NALCN: variants seen among roughly 807,000 people sequenced by gnomAD.
NALCN encodes the protein sodium leak channel, non-selective, also known as sodium leak channel NALCN.
A neutral mutation model predicts 225.3 loss-of-function variants in NALCN; 111 were observed. That is an observed-to-expected ratio of 0.49 (90% CI 0.42 to 0.58). The LOEUF (loss-of-function observed/expected upper bound fraction) is 0.58. NALCN is among the 20% of genes least tolerant of loss of function. The probability of loss-of-function intolerance (pLI) is 0.00; values close to 1 mark genes in which losing one functional copy is unlikely to be tolerated. For missense variants in NALCN, 1,378 were observed against 2,202.4 expected (o/e 0.63, Z 7.49); for synonymous variants, 764 against 769.0 (o/e 0.99, Z 0.11).
At chr13:101,356,838 C>A (rs1473347500) in intron 6 of NALCN, among the ~76,000 whole-genome samples, 2 of 152,152 alleles carry the variant, frequency 1.3e-5, no homozygotes, top group Admixed American at 1.3e-4. Flanking sequence ...AGCTTACCCA[C>A]CACAATCAAG....
Position 101,081,541 on chromosome 13 carries a change from G to T in NALCN, c.3871C>A (p.His1291Asn). 1 of 1,614,102 alleles carries T rather than the reference G, an allele frequency of 6.2e-7. No individual in the cohort carries two copies. Among genetic ancestry groups the T allele is most frequent in the Non-Finnish European group, 8.5e-7 (1 of 1,180,000 alleles). Residue 1291 changes from histidine to asparagine, a missense_variant, in exon 34 of 44, where the codon CAC becomes AAC. Transcript: ENST00000251127. ...TSLGVVWVVL[H>N]FALLNAYTYM... Reference sequence around the variant, plus strand: ...TCTATGCTTACCAGGAGGGCAAAGTGAAGCACCACCCATACAACGCCAAGC... The same window carrying T: ...TCTATGCTTACCAGGAGGGCAAAGTTAAGCACCACCCATACAACGCCAAGC...
chr13:101,195,798 C>T (rs1294636480), intron 13 of NALCN, among the ~76,000 whole-genome samples: 2 of 152,218 alleles, frequency 1.3e-5, no homozygotes, highest in Non-Finnish European at 2.9e-5. Flanking sequence ...AAAGACTTGA[C>T]CCCTTCCAGT....
chr13:101,107,769 A>G lies in NALCN; in HGVS notation c.2385T>C (p.Tyr795=), dbSNP rs1178454883. The change falls in exon 21 of 44, where the codon TAT becomes TAC. Residue 795 remains tyrosine (Y), a synonymous_variant. Transcript: ENST00000251127. ...LTQDHSNTVR[Y]RNAQREDSEI... is the part of the protein sequence containing the mutation. Reference sequence around the variant, plus strand: ...CACTGTCTTCTCTTTGTGCATTTCTATATCTCACTGTATTGGAATGCTAGA... The same window carrying G: ...CACTGTCTTCTCTTTGTGCATTTCTGTATCTCACTGTATTGGAATGCTAGA... The G allele has an allele frequency of 2.5e-6, 4 of 1,613,538 alleles. No individual in the cohort carries two copies. The highest frequency in any genetic ancestry group is 2.2e-5 in the East Asian group (1 of 44,852).
At chr13:101,095,988 T>C (rs1464211705) in intron 27 of NALCN, among the ~76,000 whole-genome samples, 1 of 151,628 alleles carries the variant, frequency 6.6e-6, no homozygotes, top group African/African-American at 2.4e-5. Flanking sequence ...ATCCGGAAAA[T>C]GCAAATCAAA....
At position 101,292,003 on chromosome 13, in the gene NALCN, G is replaced by T; in HGVS notation, c.1034C>A (p.Thr345Lys). The T allele has an allele frequency of 6.2e-7, 1 of 1,614,008 alleles. No individual in the cohort carries two copies. The highest frequency in any genetic ancestry group is 8.5e-7 in the Non-Finnish European group (1 of 1,179,974). Residue 345 changes from threonine (T) to lysine (K), a missense_variant, in exon 9 of 44, where the codon ACA becomes AAA. Transcript: ENST00000251127. This position sits in a 1 kb window ranked among gnomAD's most constrained non-coding sequence, Gnocchi z 4.3. ...MWGSRSSTTS[T>K]ATTQMFHEDA... ...CTGATAGCGTACCTGGGTGGTGGCTGTTGAGGTAGTGCTGCTTCTCGATCC... is the reference window on the plus strand; with the variant it reads ...CTGATAGCGTACCTGGGTGGTGGCTTTTGAGGTAGTGCTGCTTCTCGATCC...
intron 13 of NALCN, among the ~76,000 whole-genome samples, chr13:101,197,481 C>T (rs1462114978): frequency 6.6e-6 from 1 of 152,096 alleles, no homozygotes; most frequent in Non-Finnish European, 1.5e-5. Context: ...GGTAATTTTG[C>T]TATTTTACCC....
At chr13:101,131,677 G>A (rs1333652147) in intron 17 of NALCN, among the ~76,000 whole-genome samples, 1 of 152,132 alleles carries the variant, frequency 6.6e-6, no homozygotes, top group Admixed American at 6.6e-5. Flanking sequence ...ACTAAGCTTG[G>A]TTTCCTCCCA....
chr13:101,314,763 C>G (rs1309433677), intron 7 of NALCN, among the ~76,000 whole-genome samples: 1 of 152,176 alleles, frequency 6.6e-6, no homozygotes, highest in Non-Finnish European at 1.5e-5. Context: ...TTTGATTCAG[C>G]CTTTAAGTTT....
intron 25 of NALCN, among the ~76,000 whole-genome samples, 153 bp from the exon 26 acceptor site, chr13:101,103,492 C>G (rs940669061): frequency 6.6e-6 from 1 of 152,172 alleles, no homozygotes; most frequent in Admixed American, 6.6e-5. Context: ...CAAACCTCAT[C>G]TAGACTTGCT....
intron 37 of NALCN, among the ~76,000 whole-genome samples, chr13:101,071,376 TC>T (rs1169122279): frequency 3.3e-5 from 5 of 152,202 alleles, no homozygotes; most frequent in African/African-American, 9.7e-5. Context: ...ACATTGAAAA[TC>T]CATTGTTTAG....
chr13:101,317,760 T>C (rs976115516), intron 7 of NALCN, among the ~76,000 whole-genome samples: 2 of 152,236 alleles, frequency 1.3e-5, no homozygotes, highest in Non-Finnish European at 2.9e-5. Flanking sequence ...AGGAAGGTTA[T>C]GTTTCCTCAC....
At chr13:101,408,310 C>G (rs930629569) in intron 1 of NALCN, among the ~76,000 whole-genome samples, 2 of 145,394 alleles carry the variant, frequency 1.4e-5, no homozygotes, top group Non-Finnish European at 3.0e-5. Context: ...TCAAGCAAGC[C>G]TCTCCTCCGC....
At chr13:101,115,011 T>C (rs1430517637) in intron 18 of NALCN, among the ~76,000 whole-genome samples, 1 of 152,190 alleles carries the variant, frequency 6.6e-6, no homozygotes, top group Non-Finnish European at 1.5e-5. Flanking sequence ...TTCTCAGCTC[T>C]TATCCACAGT....
rs10560892 is a variant in NALCN, at chr13:101,345,737, A to AATATATATATATAT, written c.645-331_645-318dup. Among the ~76,000 whole-genome samples, 343 of 86,582 alleles carry AATATATATATATAT rather than the reference A, an allele frequency of 4.0e-3. 2 individuals carry two copies. Among genetic ancestry groups the AATATATATATATAT allele is most frequent in the Admixed American group, 0.013 (86 of 6,526 alleles). The allele number at this position is 86,582 out of a possible 152,430, so 56.8% of individuals were successfully genotyped here. A position where few individuals can be genotyped will look rare whatever the true frequency, so the allele number is the denominator to read the frequency against. On this transcript the variant is annotated intron_variant, in intron 6 of 43. Coordinates refer to ENST00000251127, the MANE Select transcript of NALCN (RefSeq NM_052867.4). Reference sequence around the variant, plus strand: ...ATCTATCTAAGAGTACAGCAAAGAGAATATATATATATATATATATATATA... The same window carrying AATATATATATATAT: ...ATCTATCTAAGAGTACAGCAAAGAGAATATATATATATATATATATATATATATATATATATATA...
intron 13 of NALCN, among the ~76,000 whole-genome samples, chr13:101,221,376 C>T (rs1353438960): frequency 6.6e-6 from 1 of 152,130 alleles, no homozygotes; most frequent in African/African-American, 2.4e-5. Context: ...CTCAGCCTCT[C>T]AAAGTGCTGG....
chr13:101,162,179 T>C (rs2139871873), intron 15 of NALCN, among the ~76,000 whole-genome samples: 1 of 152,324 alleles, frequency 6.6e-6, no homozygotes, highest in East Asian at 1.9e-4. Flanking sequence ...CCTTAAATGA[T>C]GTTATTTTCT....
Position 101,171,452 on chromosome 13 carries a change from TC to T in NALCN, c.1839+4847del, listed in dbSNP as rs575537631. Among the ~76,000 whole-genome samples, 330 of 151,978 alleles carry T rather than the reference TC, an allele frequency of 2.2e-3. 1 individual carries two copies. The highest frequency in any genetic ancestry group is 7.7e-3 in the African/African-American group (318 of 41,452). On this transcript the variant is annotated intron_variant, in intron 15 of 43. Transcript: ENST00000251127. The stretch of plus-strand genomic sequence containing the variant: ...ACACACACACACATATATATTTTTT[TC>T]CGAGGTCTCTGTATTGGCTTTTGGG...
At chr13:101,335,367 T>TCTGTC (rs60142521) in intron 7 of NALCN, among the ~76,000 whole-genome samples, 1,624 of 152,246 alleles carry the variant, frequency 0.011, 32 homozygotes, top group African/African-American at 0.036. Flanking sequence ...AGACAGTCCC[T>TCTGTC]TTAAAAATCC....
chr13:101,351,241 C>A (rs893241766), intron 6 of NALCN, among the ~76,000 whole-genome samples: 2 of 152,170 alleles, frequency 1.3e-5, no homozygotes, highest in Admixed American at 1.3e-4. Flanking sequence ...GTGTAATAAT[C>A]CACAAATTGG....
Sources: gnomAD v4.1 joint callset for allele counts (sites outside exome capture counted in the v4.1 genomes callset) on GRCh38, gnomAD v4.1.1 for gene constraint, Gnocchi (gnomAD v3.1) non-coding constraint, MANE v1.5 for transcripts, NCBI Gene and HGNC (gene_info 2026-07-23, HGNC 2026-07-21) for gene names.